Variants in RABGAP1 observed in about 807,000 individuals in gnomAD.
RABGAP1 encodes the protein RAB GTPase activating protein 1.
In RABGAP1, 23 loss-of-function variants were observed where a neutral mutation model predicts 137.6. The observed-to-expected ratio is 0.17, with a 90% CI of 0.12 to 0.24. RABGAP1 has a LOEUF of 0.24. Among genes scored for constraint, RABGAP1 ranks in the 10% least tolerant of loss-of-function variants. The probability of loss-of-function intolerance (pLI) is 1.00; values close to 1 mark genes in which losing one functional copy is unlikely to be tolerated. For missense variants in RABGAP1, 906 were observed against 1,275.8 expected (o/e 0.71, Z 4.42); for synonymous variants, 451 against 450.7 (o/e 1.00, Z -0.01).
rs997912637 is a variant in RABGAP1, at chr9:123,032,201, C to G, written c.1794+11742C>G. 6.6e-5 allele frequency among the ~76,000 whole-genome samples: 10 copies of G among 152,156 alleles called. 1 individual carries two copies. The South Asian group carries it at 1.0e-3, about 16-fold the overall frequency. On this transcript the variant is annotated intron_variant, in intron 13 of 25. Transcript: ENST00000373647. ...AGAAAGTGAGTAAAGTTATATACCC[C>G]CTCTGTGCTAGGTGTTGGTAAGCCT...
chr9:122,989,768 C>A, intron 5 of RABGAP1: 1 of 512,060 alleles, frequency 2.0e-6, no homozygotes. Flanking sequence ...TAAATCAAAA[C>A]TTGTTAGGAC....
intron 19 of RABGAP1, among the ~76,000 whole-genome samples, chr9:123,082,970 G>A (rs1416543099): frequency 6.6e-6 from 1 of 152,192 alleles, no homozygotes; most frequent in African/African-American, 2.4e-5. Flanking sequence ...TGAGGGCAGC[G>A]ACTTCATCCG....
At chr9:123,093,675 A>G (rs902166338) in intron 21 of RABGAP1, among the ~76,000 whole-genome samples, 5 of 152,190 alleles carry the variant, frequency 3.3e-5, no homozygotes, top group Admixed American at 6.5e-5. Flanking sequence ...TTCTGTGTCT[A>G]TCCTTAAGCC....
upstream of RABGAP1, among the ~76,000 whole-genome samples, chr9:122,936,193 C>T (rs1345524761): frequency 6.6e-6 from 1 of 152,032 alleles, no homozygotes; most frequent in African/African-American, 2.4e-5. Context: ...GAGTTTTGAC[C>T]ATGATTTCTT....
intron 14 of RABGAP1, among the ~76,000 whole-genome samples, chr9:123,066,179 A>G (rs1275835908): frequency 2.0e-5 from 3 of 152,218 alleles, no homozygotes; most frequent in Non-Finnish European, 4.4e-5. Context: ...GTTTTAGGAC[A>G]GACTAGCAGT....
At chr9:122,999,679 G>A (rs1280634009) in intron 10 of RABGAP1, among the ~76,000 whole-genome samples, 4 of 150,822 alleles carry the variant, frequency 2.7e-5, no homozygotes, top group Admixed American at 6.6e-5. Flanking sequence ...GGGTTCTTGC[G>A]TTTTTAAATT....
chr9:123,080,520 T>A (rs925880727), intron 19 of RABGAP1, among the ~76,000 whole-genome samples: 1 of 152,162 alleles, frequency 6.6e-6, no homozygotes, highest in Non-Finnish European at 1.5e-5. Flanking sequence ...TACCAAAAAA[T>A]TTTAAGAGAG....
At chr9:122,997,202 G>A in intron 8 of RABGAP1, 57 bp from the exon 9 acceptor site, 3 of 1,339,520 alleles carry the variant, frequency 2.2e-6, no homozygotes, top group Non-Finnish European at 3.1e-6. Flanking sequence ...CAAGATGGGG[G>A]TTAACTGTTG....
chr9:123,028,964 T>C (rs2032142234), intron 13 of RABGAP1, among the ~76,000 whole-genome samples: 2 of 152,190 alleles, frequency 1.3e-5, no homozygotes, highest in Non-Finnish European at 2.9e-5. Flanking sequence ...ATTATATATA[T>C]TTTTTGCTTA....
the RABGAP1 span, among the ~76,000 whole-genome samples, chr9:122,932,379 T>C: frequency 6.6e-6 from 1 of 150,658 alleles, no homozygotes; most frequent in African/African-American, 2.4e-5. Context: ...GAGCCACTGC[T>C]CCCAGCCTTT....
intron 2 of RABGAP1, among the ~76,000 whole-genome samples, chr9:122,981,438 C>T (rs1836050432): frequency 1.3e-5 from 2 of 152,156 alleles, no homozygotes; most frequent in East Asian, 1.9e-4. Flanking sequence ...TTCATACTCC[C>T]TAGTAATACT....
At chr9:122,974,897 A>C (rs1173691295) in intron 2 of RABGAP1, among the ~76,000 whole-genome samples, 1 of 152,242 alleles carries the variant, frequency 6.6e-6, no homozygotes, top group African/African-American at 2.4e-5. Flanking sequence ...AAATTTACTG[A>C]TTTAACAAAG....
chr9:123,015,690 A>G, intron 12 of RABGAP1, 54 bp downstream of exon 12: 2 of 1,261,966 alleles, frequency 1.6e-6, no homozygotes, highest in Non-Finnish European at 2.3e-6. Context: ...TTATGGGTAG[A>G]GAATCTTACC....
intron 21 of RABGAP1, among the ~76,000 whole-genome samples, chr9:123,095,718 A>G (rs1439836597): frequency 1.3e-5 from 2 of 152,154 alleles, no homozygotes; most frequent in Non-Finnish European, 2.9e-5. Flanking sequence ...GAAAAAAAAA[A>G]AAAATCAGAA....
chr9:123,024,158 C>CT (rs1223565887), intron 13 of RABGAP1, among the ~76,000 whole-genome samples: 1 of 152,162 alleles, frequency 6.6e-6, no homozygotes, highest in Non-Finnish European at 1.5e-5. Context: ...TTAGTTTCTT[C>CT]TTCCCGTTTT....
In RABGAP1 at chr9:122,945,147, C is replaced by CTTTTTTTT. The variant is rs202090815; in HGVS notation, c.-50+4063_-50+4070dup. On this transcript the variant is annotated intron_variant, in intron 1 of 25. Transcript: ENST00000373647. ...CACCATGTATACATCATAGCTGTTG[C>CTTTTTTTT]TTTTTTTTTTTTTTTTAGCATAAAC... 8.4e-4 allele frequency among the ~76,000 whole-genome samples: 64 copies of CTTTTTTTT among 75,812 alleles called. 9 individuals carry two copies. Among genetic ancestry groups the CTTTTTTTT allele is most frequent in the African/African-American group, 1.5e-3 (38 of 24,724 alleles). The allele number at this position is 75,812 out of a possible 152,430, so 49.7% of individuals were successfully genotyped here. A position where few individuals can be genotyped will look rare whatever the true frequency, so the allele number is the denominator to read the frequency against.
At chr9:123,008,954 T>A (rs538555781) in intron 10 of RABGAP1, among the ~76,000 whole-genome samples, 42 of 152,358 alleles carry the variant, frequency 2.8e-4, no homozygotes, top group Middle Eastern at 3.4e-3. Context: ...TAGGTTAACA[T>A]GTAACTTCAG....
At position 122,951,067 on chromosome 9, in the gene RABGAP1, CG is replaced by C. The variant is rs554402906; in HGVS notation, c.-49-5940del. Among the ~76,000 whole-genome samples the C allele has an allele frequency of 2.2e-3, 338 of 152,134 alleles. 3 individuals carry two copies. Among genetic ancestry groups the C allele is most frequent in the African/African-American group, 7.8e-3 (325 of 41,500 alleles). ...GGGGTTCAGTGAAAGTGAGAAGTAA[CG>C]GGGTGGTATTTTTGAGAGGGACTGT... On this transcript the variant is annotated intron_variant, in intron 1 of 25. Transcript: ENST00000373647.
intron 3 of RABGAP1, among the ~76,000 whole-genome samples, chr9:122,985,220 A>G (rs1473416873): frequency 6.6e-6 from 1 of 152,232 alleles, no homozygotes; most frequent in Non-Finnish European, 1.5e-5. Context: ...TGCTAAAACT[A>G]TAGATGTTAT....
Sources: allele counts gnomAD v4.1 joint callset (sites outside exome capture counted in the v4.1 genomes callset), GRCh38; gene constraint gnomAD v4.1.1; transcripts MANE v1.5; gene names NCBI Gene and HGNC (gene_info 2026-07-23, HGNC 2026-07-21).